The following SAMD12 variants were observed in gnomAD, a reference collection of about 807,000 sequenced individuals.
SAMD12 encodes sterile alpha motif domain-containing protein 12.
Under a neutral mutation model 15.0 loss-of-function variants are expected in SAMD12, and 9 were observed. The observed-to-expected ratio is 0.60, with a 90% CI of 0.36 to 1.05. The LOEUF is 1.05. Ranked by LOEUF, SAMD12 falls within the 50% of genes least tolerant of loss-of-function variation. The pLI is 0.01. For synonymous variants in SAMD12, 86 were observed against 90.1 expected (o/e 0.96, Z 0.25); for missense variants, 230 against 234.2 (o/e 0.98, Z 0.12).
At chr8:118,485,848 T>A (rs146326765) in intron 2 of SAMD12, among the ~76,000 whole-genome samples, 1 of 152,226 alleles carries the variant, frequency 6.6e-6, no homozygotes, top group African/African-American at 2.4e-5. Context: ...AACTTCCTCA[T>A]GTGTGAAACA....
chr8:118,294,134 A>G (rs1486602312), intron 4 of SAMD12, among the ~76,000 whole-genome samples: 1 of 152,184 alleles, frequency 6.6e-6, no homozygotes, highest in Non-Finnish European at 1.5e-5. Flanking sequence ...TTACTTAGCA[A>G]TGAGGCATGA....
chr8:118,166,356 C>T, the SAMD12 span, among the ~76,000 whole-genome samples: 1 of 152,180 alleles, frequency 6.6e-6, no homozygotes, highest in South Asian at 2.1e-4. Flanking sequence ...TTTATACTTA[C>T]AGTACCTTTA....
At chr8:118,453,380 C>G (rs1255877167) in intron 2 of SAMD12, among the ~76,000 whole-genome samples, 1 of 152,112 alleles carries the variant, frequency 6.6e-6, no homozygotes, top group Non-Finnish European at 1.5e-5. Context: ...AGTGTCATAT[C>G]CACTAACAAT....
chr8:118,231,395 A>C (rs1812307556), intron 4 of SAMD12, among the ~76,000 whole-genome samples: 1 of 152,184 alleles, frequency 6.6e-6, no homozygotes, highest in Admixed American at 6.5e-5. Flanking sequence ...TCAATAACCT[A>C]TGATTTCCAA....
intron 2 of SAMD12, among the ~76,000 whole-genome samples, chr8:118,570,387 TATGTGTTGTTCCCTTCTATATATCC>T (rs1394491984): frequency 6.6e-6 from 1 of 152,150 alleles, no homozygotes; most frequent in African/African-American, 2.4e-5. Context: ...CAGGGTCCCG[TATGTGTTGTTCCCTTCTATATATCC>T]ATGTGTTCTC....
chr8:118,343,536 A>G (rs1453484970), intron 4 of SAMD12, among the ~76,000 whole-genome samples: 2 of 152,112 alleles, frequency 1.3e-5, no homozygotes, highest in Non-Finnish European at 2.9e-5. Flanking sequence ...TCTCAGGACA[A>G]TCAACAGGAG....
intron 4 of SAMD12, among the ~76,000 whole-genome samples, chr8:118,278,906 C>T (rs955415479): frequency 3.3e-5 from 5 of 152,240 alleles, no homozygotes; most frequent in East Asian, 1.9e-4. Context: ...TTGTCATACT[C>T]GAGGTGATAA....
intron 1 of SAMD12, among the ~76,000 whole-genome samples, chr8:118,616,788 G>T: frequency 6.6e-6 from 1 of 152,180 alleles, no homozygotes; most frequent in South Asian, 2.1e-4. Flanking sequence ...CGCACAGCAG[G>T]ATGTGAGCAG....
chr8:118,365,726 T>A (rs190947360), intron 4 of SAMD12, among the ~76,000 whole-genome samples: 549 of 152,264 alleles, frequency 3.6e-3, no homozygotes, highest in Non-Finnish European at 6.7e-3. Flanking sequence ...ATATATACCC[T>A]ATTGGTTGTT....
At chr8:118,450,162 T>C (rs925636053) in intron 2 of SAMD12, among the ~76,000 whole-genome samples, 1 of 152,188 alleles carries the variant, frequency 6.6e-6, no homozygotes, top group Non-Finnish European at 1.5e-5. Context: ...CGGATGCTTG[T>C]ATGCAACGCT....
chr8:118,242,437 C>G (rs1444307601), intron 4 of SAMD12, among the ~76,000 whole-genome samples: 1 of 152,058 alleles, frequency 6.6e-6, no homozygotes, highest in Non-Finnish European at 1.5e-5. Flanking sequence ...ACAGTAGGTA[C>G]AGTAAAATAA....
Position 118,451,414 on chromosome 8 carries a change from C to T in SAMD12, c.193-11453G>A, listed in dbSNP as rs57770605. Among the ~76,000 whole-genome samples the T allele has an allele frequency of 1.7e-3, 260 of 152,316 alleles. 2 individuals carry two copies. Among genetic ancestry groups the T allele is most frequent in the African/African-American group, 6.2e-3 (257 of 41,566 alleles). ...GACTCCAACTCAAGGGCTTTTTCTA[C>T]TCACCTTATCGTGGAAGGAGGTGCA... On this transcript the variant is annotated intron_variant, in intron 2 of 3. Coordinates refer to ENST00000314727, the MANE Select transcript of SAMD12 (RefSeq NM_207506.3).
chr8:118,577,055 T>A (rs1827170344), intron 2 of SAMD12, among the ~76,000 whole-genome samples: 1 of 152,346 alleles, frequency 6.6e-6, no homozygotes, highest in Non-Finnish European at 1.5e-5. Context: ...TTCCAAGTAC[T>A]CACAAGAATT....
intron 2 of SAMD12, among the ~76,000 whole-genome samples, chr8:118,502,875 C>T (rs1824824573): frequency 6.6e-6 from 1 of 152,158 alleles, no homozygotes; most frequent in South Asian, 2.1e-4. Flanking sequence ...TTCTCTATGG[C>T]AGGCCAAGTA....
chr8:118,374,749 C>T (rs990385836), downstream of SAMD12, among the ~76,000 whole-genome samples: 31 of 152,116 alleles, frequency 2.0e-4, no homozygotes, highest in African/African-American at 5.1e-4. Flanking sequence ...TCACTTCATA[C>T]GCCTATTGGC....
chr8:118,467,750 G>A (rs1823639150), intron 2 of SAMD12, among the ~76,000 whole-genome samples: 1 of 152,144 alleles, frequency 6.6e-6, no homozygotes. Context: ...TGTCAATTAT[G>A]GTCTAAGACA....
chr8:118,202,379 T>C (rs1256412196), intron 4 of SAMD12, among the ~76,000 whole-genome samples: 1 of 152,160 alleles, frequency 6.6e-6, no homozygotes, highest in African/African-American at 2.4e-5. Context: ...ATAACTGTCT[T>C]CCTGCTTGCC....
intron 4 of SAMD12, among the ~76,000 whole-genome samples, chr8:118,273,406 G>A (rs1398692482): frequency 6.6e-6 from 1 of 152,178 alleles, no homozygotes; most frequent in Non-Finnish European, 1.5e-5. Context: ...TTTGGATGGG[G>A]ACACGGCCAA....
intron 4 of SAMD12, among the ~76,000 whole-genome samples, chr8:118,353,264 T>A (rs1052425402): frequency 6.7e-6 from 1 of 149,778 alleles, no homozygotes; most frequent in African/African-American, 2.5e-5. Flanking sequence ...CTAACCAACA[T>A]ACTAGATAGT....
Sources: gnomAD v4.1 joint callset for allele counts (sites outside exome capture counted in the v4.1 genomes callset) on GRCh38, gnomAD v4.1.1 for gene constraint, MANE v1.5 for transcripts, NCBI Gene and HGNC (gene_info 2026-07-23, HGNC 2026-07-21) for gene names.